Variants in ARHGEF33 observed in about 807,000 individuals in gnomAD.
ARHGEF33 encodes the protein Rho guanine nucleotide exchange factor 33.
A neutral mutation model predicts 101.9 loss-of-function variants in ARHGEF33; 72 were observed. The observed-to-expected ratio is 0.71, with a 90% CI of 0.58 to 0.86. The LOEUF is 0.86. Among genes scored for constraint, ARHGEF33 ranks in the 40% least tolerant of loss-of-function variants. The pLI, the probability that ARHGEF33 is intolerant of heterozygous loss-of-function variation, is 0.00. For missense variants in ARHGEF33, 1,169 were observed against 1,111.3 expected, an observed-to-expected ratio of 1.05 and a Z score of -0.74; for synonymous variants, 499 against 442.5, an observed-to-expected ratio of 1.13 and a Z score of -1.60.
chr2:38,893,758 C>T (rs187392598), intron 1 of ARHGEF33, among the ~76,000 whole-genome samples: 4 of 152,290 alleles, frequency 2.6e-5, no homozygotes, highest in South Asian at 4.1e-4. Flanking sequence ...GTTGAATGCA[C>T]GTGAACTCTG....
At chr2:38,908,969 C>G (rs1228251983) in intron 2 of ARHGEF33, among the ~76,000 whole-genome samples, 1 of 152,216 alleles carries the variant, frequency 6.6e-6, no homozygotes. Flanking sequence ...GCGTGTTTCA[C>G]TGGTAGTCTG....
intron 2 of ARHGEF33, among the ~76,000 whole-genome samples, chr2:38,906,853 G>C (rs1008378672): frequency 6.6e-6 from 1 of 151,468 alleles, no homozygotes; most frequent in Non-Finnish European, 1.5e-5. Flanking sequence ...AGCTACTCAG[G>C]CAGCTGAGGT....
At chr2:38,965,748 A>G (rs1326359416) in intron 16 of ARHGEF33, among the ~76,000 whole-genome samples, 1 of 152,166 alleles carries the variant, frequency 6.6e-6, no homozygotes, top group Non-Finnish European at 1.5e-5. Context: ...TTATTTCCTT[A>G]TCTTTAATTA....
chr2:38,953,045 A>G (rs1667651361), intron 11 of ARHGEF33, 117 bp from the exon 12 acceptor site: 3 of 629,176 alleles, frequency 4.8e-6, no homozygotes, highest in East Asian at 2.8e-5. Flanking sequence ...TGAAGAACAT[A>G]TTAAATGAAT....
chr2:38,973,039 G>A (rs887813220), intron 17 of ARHGEF33: 2 of 152,248 alleles, frequency 1.3e-5, no homozygotes, highest in African/African-American at 2.4e-5. Flanking sequence ...ACTGGAGAAG[G>A]TGCAGAGCTG....
At chr2:38,959,467 G>A (rs1572777333) in intron 15 of ARHGEF33, 1 of 182,808 alleles carries the variant, frequency 5.5e-6, no homozygotes. Context: ...TCGAACAGAA[G>A]TTGAGTTTTC....
At position 38,895,314 on chromosome 2, in the gene ARHGEF33, G is replaced by A. The variant is rs114196005; in HGVS notation, c.-158-463G>A. On this transcript the variant is annotated intron_variant, in intron 1 of 17. Coordinates refer to ENST00000409978, the MANE Select transcript of ARHGEF33 (RefSeq NM_001145451.5). ...TTGAGTATAGATCACTTCAATTGGC[G>A]CTTAAAGAAAAACCTATTACAAACA... Among the ~76,000 whole-genome samples, 331 of 152,228 alleles carry A rather than the reference G, an allele frequency of 2.2e-3. 1 individual carries two copies. The highest frequency in any genetic ancestry group is 7.2e-3 in the African/African-American group (300 of 41,514).
At chr2:38,944,585 A>G (rs760748132) in intron 10 of ARHGEF33, among the ~76,000 whole-genome samples, 1 of 152,138 alleles carries the variant, frequency 6.6e-6, no homozygotes, top group Non-Finnish European at 1.5e-5. Context: ...TTAAACTTAG[A>G]TTTTCATCAA....
intron 12 of ARHGEF33, 57 bp downstream of exon 12, chr2:38,953,302 T>G: frequency 2.0e-6 from 2 of 1,020,452 alleles, no homozygotes; most frequent in South Asian, 2.7e-5. Flanking sequence ...CATATGATGT[T>G]GCTCATCCAC....
At chr2:38,948,672 C>A (rs1207329433) in intron 10 of ARHGEF33, among the ~76,000 whole-genome samples, 2 of 152,292 alleles carry the variant, frequency 1.3e-5, no homozygotes, top group East Asian at 1.9e-4. Context: ...ATGGACAATT[C>A]TTCACAAAGT....
intron 17 of ARHGEF33, among the ~76,000 whole-genome samples, chr2:38,966,953 C>G (rs940478267): frequency 2.0e-5 from 3 of 152,186 alleles, no homozygotes; most frequent in African/African-American, 4.8e-5. Context: ...ACCTCCCTCT[C>G]CCTTAGAGAG....
rs546509741 is a variant in ARHGEF33, at chr2:38,955,828, C to G, written c.1222-1071C>G. ...AGTAGCTGGGACTACAGGCGCCCAC[C>G]ACCACACCCGGCTAATTTTTGTGTT... On this transcript the variant is annotated intron_variant, in intron 13 of 17. Coordinates refer to ENST00000409978, the MANE Select transcript of ARHGEF33 (RefSeq NM_001145451.5). Among the ~76,000 whole-genome samples, 5 of 152,090 alleles carry G rather than the reference C, an allele frequency of 3.3e-5. No individual in the cohort carries two copies. The South Asian group carries it at 8.3e-4, about 25-fold the overall frequency.
At chr2:38,928,147 A>G (rs1281206536) in intron 4 of ARHGEF33, among the ~76,000 whole-genome samples, 1 of 152,202 alleles carries the variant, frequency 6.6e-6, no homozygotes, top group East Asian at 1.9e-4. Context: ...CAACATGCCT[A>G]AGGTCCTAGT....
intron 3 of ARHGEF33, among the ~76,000 whole-genome samples, chr2:38,919,745 A>G (rs1459493246): frequency 6.6e-6 from 1 of 152,242 alleles, no homozygotes; most frequent in Non-Finnish European, 1.5e-5. Context: ...AGATTCAACT[A>G]CTAGACATCT....
rs552650413 is a variant in ARHGEF33 at position 38,960,304 on chromosome 2, G to T, written c.1999G>T (p.Glu667Ter). 1.3e-6 allele frequency: 2 copies of T among 1,544,660 alleles called. No individual in the cohort carries two copies. Among genetic ancestry groups the T allele is most frequent in the East Asian group, 2.5e-5 (1 of 40,806 alleles). ...GCCCGTCAGCTTCGCCATGGAGGCC[G>T]AGCGGCCGGAGCACCCGCTGCAGCC... ...LRPVSFAMEA[E>*]RPEHPLQPLP... The change falls in exon 16 of 18, where the codon GAG (glutamate) becomes TAG (stop). Residue 667 changes from glutamate to a stop codon, truncating the protein, a stop_gained. Transcript: ENST00000409978. LOFTEE classifies it high-confidence loss of function.
intron 8 of ARHGEF33, among the ~76,000 whole-genome samples, chr2:38,936,212 A>G (rs1046196668): frequency 6.6e-6 from 1 of 152,256 alleles, no homozygotes; most frequent in African/African-American, 2.4e-5. Flanking sequence ...TAGTGCAGGT[A>G]ATAAAGGACT....
At position 38,931,174 on chromosome 2, in the gene ARHGEF33, G is replaced by A. The variant is rs755235579; in HGVS notation, c.428G>A (p.Arg143His). The change falls in exon 7 of 18, where the codon CGT becomes CAT. Residue 143 changes from arginine to histidine, a missense_variant. Coordinates refer to ENST00000409978, the MANE Select transcript of ARHGEF33 (RefSeq NM_001145451.5). Reference protein sequence around the residue: ...GPAQAQGSPFRSINIPEPVLP... With the variant: ...GPAQAQGSPFHSINIPEPVLP... ...GCCCAAGCACAAGGAAGTCCTTTTC[G>A]TTCTATCAATATCCCTGAGCCTGTT... 20 of 1,551,434 alleles carry A rather than the reference G, an allele frequency of 1.3e-5. No individual in the cohort carries two copies. The highest frequency in any genetic ancestry group is 5.9e-5 in the South Asian group (5 of 84,054).
intron 2 of ARHGEF33, 28 bp downstream of exon 2, chr2:38,895,877 T>G (rs1274792119): frequency 6.6e-6 from 1 of 152,164 alleles, no homozygotes; most frequent in Non-Finnish European, 1.5e-5. Context: ...AGAACTGTTT[T>G]CTAATAAGAA....
chr2:38,899,922 G>C (rs1049626229), intron 2 of ARHGEF33, among the ~76,000 whole-genome samples: 3 of 152,088 alleles, frequency 2.0e-5, no homozygotes, highest in African/African-American at 7.2e-5. Context: ...GGCACGGTGG[G>C]TCATGACTGT....
Sources: allele counts gnomAD v4.1 joint callset (sites outside exome capture counted in the v4.1 genomes callset), GRCh38; gene constraint gnomAD v4.1.1; transcripts MANE v1.5; gene names NCBI Gene and HGNC (gene_info 2026-07-23, HGNC 2026-07-21).